The following UEVLD variants were observed in gnomAD, a reference collection of about 807,000 sequenced individuals.
The protein encoded by UEVLD is ubiquitin-conjugating enzyme E2 variant 3.
UEVLD carries 47 observed loss-of-function variants against 58.6 expected under a neutral mutation model. The ratio of observed to expected loss-of-function variants is 0.80; its 90% CI spans 0.63 to 1.02. The LOEUF is 1.02. UEVLD is among the 50% of genes least tolerant of loss of function. The pLI, the probability that UEVLD is intolerant of heterozygous loss-of-function variation, is 0.00. For missense variants in UEVLD, 510 were observed against 550.6 expected (o/e 0.93, Z 0.74); for synonymous variants, 197 against 195.3 (o/e 1.01, Z -0.07).
At chr11:18,580,285 A>G (rs1853169785) in intron 1 of UEVLD, among the ~76,000 whole-genome samples, 1 of 152,140 alleles carries the variant, frequency 6.6e-6, no homozygotes, top group Non-Finnish European at 1.5e-5. Flanking sequence ...TTTGGGAAAC[A>G]GCCTGGTAGT....
chr11:18,582,202 C>T (rs1228792688), intron 1 of UEVLD, among the ~76,000 whole-genome samples: 1 of 152,158 alleles, frequency 6.6e-6, no homozygotes, highest in African/African-American at 2.4e-5. Flanking sequence ...CTATATAAGG[C>T]TACACTAGAA....
intron 5 of UEVLD, among the ~76,000 whole-genome samples, chr11:18,565,624 T>C (rs1852256604): frequency 6.6e-6 from 1 of 151,524 alleles, no homozygotes; most frequent in Non-Finnish European, 1.5e-5. Flanking sequence ...AGGTCAGGAG[T>C]TCAAAACCAG....
At chr11:18,550,381 C>G (rs929094993) in intron 7 of UEVLD, among the ~76,000 whole-genome samples, 12 of 152,180 alleles carry the variant, frequency 7.9e-5, no homozygotes, top group Non-Finnish European at 1.5e-5. Context: ...TTTCCTGATA[C>G]TGGCTTTTGC....
chr11:18,550,141 A>G (rs1000191815), intron 7 of UEVLD, among the ~76,000 whole-genome samples: 1 of 152,032 alleles, frequency 6.6e-6, no homozygotes, highest in African/African-American at 2.4e-5. Flanking sequence ...TTTAAAAGCC[A>G]GTATTTCTTA....
chr11:18,569,085 A>G (rs1852453251), intron 4 of UEVLD, among the ~76,000 whole-genome samples: 1 of 151,960 alleles, frequency 6.6e-6, no homozygotes, highest in Non-Finnish European at 1.5e-5. Flanking sequence ...TAGTAGAGAC[A>G]GGGTTTCACT....
At chr11:18,578,884 T>C (rs1036456611) in intron 1 of UEVLD, 76 bp from the exon 2 acceptor site, 16 of 1,077,552 alleles carry the variant, frequency 1.5e-5, no homozygotes, top group Admixed American at 5.0e-5. Flanking sequence ...CTTTTTTTTT[T>C]TGAGACGGAG....
At chr11:18,556,200 T>G (rs1445294543) in intron 7 of UEVLD, among the ~76,000 whole-genome samples, 1 of 152,024 alleles carries the variant, frequency 6.6e-6, no homozygotes, top group Admixed American at 6.6e-5. Context: ...ACCTCTAGAG[T>G]CCATATACTG....
At chr11:18,573,462 G>A (rs968359450) in intron 3 of UEVLD, among the ~76,000 whole-genome samples, 1 of 151,968 alleles carries the variant, frequency 6.6e-6, no homozygotes, top group Non-Finnish European at 1.5e-5. Context: ...AACTTAAGGG[G>A]AACAGGTCTG....
chr11:18,588,437 T>C (rs1032651538), intron 1 of UEVLD, among the ~76,000 whole-genome samples, 176 bp downstream of exon 1: 4 of 152,006 alleles, frequency 2.6e-5, no homozygotes, highest in Non-Finnish European at 4.4e-5. Flanking sequence ...GAAATCAGAA[T>C]CCAGGTCCCC....
In UEVLD at chr11:18,566,386, G is replaced by A. The variant is rs1265011184; in HGVS notation, c.454C>T (p.Gln152Ter). Reference protein sequence around the residue: ...YSLSSSDEARQVDLLAYIAKI... With the variant: ...YSLSSSDEAR ...GCAATATAGGCTAGCAAGTCTACCT[G>A]CCGTGCCTCATCAGATGATGATAGA... The change falls in exon 5 of 12, where the codon CAG becomes TAG. Residue 152 changes from glutamine (Q) to a stop codon, truncating the protein, a stop_gained. Coordinates refer to ENST00000396197, the MANE Select transcript of UEVLD (RefSeq NM_001040697.4). LOFTEE classifies it high-confidence loss of function. 5 of 1,613,974 alleles carry A rather than the reference G, an allele frequency of 3.1e-6. No homozygotes were observed. The highest frequency in any genetic ancestry group is 4.2e-6 in the Non-Finnish European group (5 of 1,180,028).
At chr11:18,569,478 A>C (rs7109496) in intron 4 of UEVLD, among the ~76,000 whole-genome samples, 10,160 of 152,156 alleles carry the variant, frequency 0.067, 485 homozygotes, top group East Asian at 0.19. Flanking sequence ...CAATAATTCT[A>C]CTCCAAGAGA....
chr11:18,532,749 G>A (rs1850620088), intron 11 of UEVLD, among the ~76,000 whole-genome samples: 1 of 152,168 alleles, frequency 6.6e-6, no homozygotes, highest in African/African-American at 2.4e-5. Flanking sequence ...AGAGAAGCAA[G>A]CTAGCCCCCC....
chr11:18,542,633 A>G (rs12577416), intron 9 of UEVLD, among the ~76,000 whole-genome samples: 6,212 of 152,050 alleles, frequency 0.041, 278 homozygotes, highest in East Asian at 0.19. Flanking sequence ...AATACTACAT[A>G]TTTTTACTAC....
chr11:18,583,056 G>A (rs973998447), intron 1 of UEVLD, among the ~76,000 whole-genome samples: 6 of 151,602 alleles, frequency 4.0e-5, no homozygotes, highest in Non-Finnish European at 2.9e-5. Context: ...CCGAGTAGCT[G>A]GGATTACAGA....
chr11:18,588,470 C>T, intron 1 of UEVLD, 143 bp downstream of exon 1: 1 of 965,602 alleles, frequency 1.0e-6, no homozygotes, highest in East Asian at 2.7e-5. Context: ...GGGCCGCGCC[C>T]CATAGCCGGT....
intron 9 of UEVLD, among the ~76,000 whole-genome samples, chr11:18,541,657 T>C (rs1342953345): frequency 3.9e-5 from 6 of 152,284 alleles, no homozygotes; most frequent in East Asian, 1.9e-4. Flanking sequence ...ACCTTATAGA[T>C]TGAAATAGCT....
chr11:18,552,267 A>T (rs1278047521), intron 7 of UEVLD, among the ~76,000 whole-genome samples: 2 of 152,216 alleles, frequency 1.3e-5, no homozygotes, highest in Non-Finnish European at 2.9e-5. Context: ...CCTGAAGGCT[A>T]GGTGCAGTGG....
intron 2 of UEVLD, among the ~76,000 whole-genome samples, chr11:18,577,998 A>G (rs1213910722): frequency 6.6e-6 from 1 of 152,220 alleles, no homozygotes; most frequent in Non-Finnish European, 1.5e-5. Context: ...CCATATACAT[A>G]TGATAGGCCG....
In UEVLD at chr11:18,532,440, G is replaced by A. The variant is rs1850605011; in HGVS notation, c.1296C>T (p.Ile432=). The A allele has an allele frequency of 6.2e-7, 1 of 1,612,918 alleles. No individual in the cohort carries two copies. Among genetic ancestry groups the A allele is most frequent in the Non-Finnish European group, 8.5e-7 (1 of 1,179,518 alleles). Residue 432 remains isoleucine (I), a synonymous_variant, in exon 12 of 12, where the codon ATC becomes ATT. Coordinates refer to ENST00000396197, the MANE Select transcript of UEVLD (RefSeq NM_001040697.4). ...CTTCAGATACTCCATTGGTTCCAAG[G>A]ATGCAAGGCAAACTTAAAAACACTT... is the stretch of plus-strand genomic sequence containing the variant. ...NSEVFLSLPC[I]LGTNGVSEVI...
Sources: gnomAD v4.1 joint callset for allele counts (sites outside exome capture counted in the v4.1 genomes callset) on GRCh38, gnomAD v4.1.1 for gene constraint, MANE v1.5 for transcripts, NCBI Gene and HGNC (gene_info 2026-07-23, HGNC 2026-07-21) for gene names.